The following ERBB4 variants were observed in gnomAD, a reference collection of about 807,000 sequenced individuals.
ERBB4 encodes the protein receptor tyrosine-protein kinase erbB-4.
In ERBB4, 42 loss-of-function variants were observed where a neutral mutation model predicts 158.0. The observed-to-expected ratio is 0.27, with a 90% CI of 0.21 to 0.34. The LOEUF (loss-of-function observed/expected upper bound fraction) is 0.34. Ranked by LOEUF, ERBB4 falls within the 10% of genes least tolerant of loss-of-function variation. The pLI is 1.00. For synonymous variants in ERBB4, 583 were observed against 558.7 expected, an observed-to-expected ratio of 1.04 and a Z score of -0.61; for missense variants, 1,333 against 1,624.1, an observed-to-expected ratio of 0.82 and a Z score of 3.08.
Position 212,321,333 on chromosome 2 carries a change from T to A in ERBB4, c.83-196430A>T, listed in dbSNP as rs547385268. On this transcript the variant is annotated intron_variant, in intron 1 of 27. Coordinates refer to ENST00000342788, the MANE Select transcript of ERBB4 (RefSeq NM_005235.3). ...GGTAAGCAAATTCCTACCAAATACA[T>A]GTTTTTGTAGAAGTTGACAAGAGCT... Among the ~76,000 whole-genome samples, 244 of 150,636 alleles carry A rather than the reference T, an allele frequency of 1.6e-3. 6 individuals carry two copies. The highest frequency in any genetic ancestry group is 5.6e-3 in the African/African-American group (233 of 41,362).
chr2:211,443,337 A>G (rs1307269916), intron 20 of ERBB4, among the ~76,000 whole-genome samples: 1 of 152,096 alleles, frequency 6.6e-6, no homozygotes, highest in Non-Finnish European at 1.5e-5. Context: ...AACATCTGTT[A>G]ATTTTCAGGC....
chr2:211,462,912 A>G (rs1332794804), intron 20 of ERBB4, among the ~76,000 whole-genome samples: 3 of 152,162 alleles, frequency 2.0e-5, no homozygotes, highest in East Asian at 1.9e-4. Flanking sequence ...TTTTCACTCA[A>G]CAAGAAAAAG....
At chr2:212,335,238 A>G (rs1238223770) in intron 1 of ERBB4, among the ~76,000 whole-genome samples, 2 of 151,928 alleles carry the variant, frequency 1.3e-5, no homozygotes, top group African/African-American at 4.8e-5. Context: ...GGAGGGTCTC[A>G]AAATAAGGCA....
chr2:211,969,619 G>T (rs1249385210), intron 2 of ERBB4, among the ~76,000 whole-genome samples: 1 of 151,840 alleles, frequency 6.6e-6, no homozygotes, highest in African/African-American at 2.4e-5. Flanking sequence ...GGCTGGGAAG[G>T]GTGCTCTTTA....
chr2:212,438,048 G>T (rs1439657924), intron 1 of ERBB4, among the ~76,000 whole-genome samples: 2 of 152,012 alleles, frequency 1.3e-5, no homozygotes, highest in African/African-American at 4.8e-5. Flanking sequence ...TGTTTAGAGT[G>T]AGTTGTACAT....
Position 211,733,559 on chromosome 2 carries a change from A to C in ERBB4, c.623-8365T>G, listed in dbSNP as rs557965430. ...AAAGTAGTAAAAAAAAGTCATAATT[A>C]TATCATAGATCTTTCATAAACCAAG... On this transcript the variant is annotated intron_variant, in intron 5 of 27. Transcript: ENST00000342788. Among the ~76,000 whole-genome samples, 248 of 149,782 alleles carry C rather than the reference A, an allele frequency of 1.7e-3. 8 individuals carry two copies. Among genetic ancestry groups the C allele is most frequent in the African/African-American group, 6.1e-3 (238 of 39,190 alleles).
chr2:211,749,617 T>C (rs2075069519), intron 5 of ERBB4, among the ~76,000 whole-genome samples: 1 of 152,206 alleles, frequency 6.6e-6, no homozygotes, highest in African/African-American at 2.4e-5. Context: ...TCATTTATCA[T>C]TGGAAATATT....
intron 2 of ERBB4, among the ~76,000 whole-genome samples, chr2:212,010,299 A>G (rs2076354422): frequency 6.6e-6 from 1 of 152,106 alleles, no homozygotes; most frequent in South Asian, 2.1e-4. Context: ...TATCAAATCT[A>G]AGCTTCTGGT....
chr2:212,507,201 T>C (rs1443419091), intron 1 of ERBB4, among the ~76,000 whole-genome samples: 1 of 151,130 alleles, frequency 6.6e-6, no homozygotes, highest in Admixed American at 6.6e-5. Context: ...ATTGGAGACC[T>C]ATTGCTCAGA....
At chr2:211,837,969 G>T (rs940398751) in intron 3 of ERBB4, among the ~76,000 whole-genome samples, 2 of 152,036 alleles carry the variant, frequency 1.3e-5, no homozygotes, top group African/African-American at 4.8e-5. Flanking sequence ...GAGGAGCTCT[G>T]TGGCCCGTGC....
chr2:212,097,673 G>A (rs1044908818), intron 2 of ERBB4, among the ~76,000 whole-genome samples: 2 of 152,126 alleles, frequency 1.3e-5, no homozygotes, highest in African/African-American at 4.8e-5. Flanking sequence ...TAATAAGGAA[G>A]GATCAGGCAG....
At chr2:212,472,909 T>C (rs929697847) in intron 1 of ERBB4, among the ~76,000 whole-genome samples, 1 of 151,938 alleles carries the variant, frequency 6.6e-6, no homozygotes, top group Admixed American at 6.6e-5. Flanking sequence ...AAGTATATTA[T>C]GCATCTAGCT....
At chr2:211,461,923 ACT>A (rs754067337) in intron 20 of ERBB4, among the ~76,000 whole-genome samples, 4 of 151,762 alleles carry the variant, frequency 2.6e-5, no homozygotes, top group African/African-American at 4.8e-5. Context: ...ACAAAAAAAA[ACT>A]CTGACTGGAT....
At chr2:211,395,485 TTA>T (rs1163888842) in intron 25 of ERBB4, among the ~76,000 whole-genome samples, 12 of 152,116 alleles carry the variant, frequency 7.9e-5, no homozygotes, top group Non-Finnish European at 1.0e-4. Flanking sequence ...GTTGCATTTT[TTA>T]TGTTTTTCAG....
intron 1 of ERBB4, among the ~76,000 whole-genome samples, chr2:212,525,458 T>C (rs563902312): frequency 5.9e-5 from 9 of 152,118 alleles, no homozygotes; most frequent in Non-Finnish European, 1.3e-4. Flanking sequence ...AACTTGATTA[T>C]GGAGAATATA....
intron 20 of ERBB4, among the ~76,000 whole-genome samples, chr2:211,540,811 C>T (rs1402140028): frequency 1.3e-5 from 2 of 151,944 alleles, no homozygotes; most frequent in Non-Finnish European, 2.9e-5. Context: ...AGTACAGTAA[C>T]TCCTCAATGT....
intron 1 of ERBB4, among the ~76,000 whole-genome samples, chr2:212,491,446 G>GT (rs1294110142): frequency 1.5e-4 from 22 of 151,396 alleles, no homozygotes; most frequent in African/African-American, 4.8e-4. Context: ...TTTAATTTGT[G>GT]TTTTTCCCTT....
chr2:211,781,893 C>T (rs906930909), intron 4 of ERBB4, among the ~76,000 whole-genome samples: 9 of 152,154 alleles, frequency 5.9e-5, no homozygotes, highest in Non-Finnish European at 1.2e-4. Flanking sequence ...TCCTCCCACG[C>T]CAGACTTGGT....
At chr2:211,423,751 C>CTT (rs969608704) in intron 23 of ERBB4, among the ~76,000 whole-genome samples, 4 of 151,830 alleles carry the variant, frequency 2.6e-5, no homozygotes, top group Non-Finnish European at 4.4e-5. Flanking sequence ...CAGTTTCAAG[C>CTT]TTTTTTCCTT....
Sources: allele counts gnomAD v4.1 joint callset (sites outside exome capture counted in the v4.1 genomes callset), GRCh38; gene constraint gnomAD v4.1.1; transcripts MANE v1.5; gene names NCBI Gene and HGNC (gene_info 2026-07-23, HGNC 2026-07-21).